The following SLN variants were observed in gnomAD, a reference collection of about 807,000 sequenced individuals.
SLN encodes sarcolipin.
For missense variants in SLN, 34 were observed against 37.4 expected, an observed-to-expected ratio of 0.91 and a Z score of 0.24; for synonymous variants, 19 against 14.4, an observed-to-expected ratio of 1.32 and a Z score of -0.72.
intron 1 of SLN, among the ~76,000 whole-genome samples, 186 bp downstream of exon 1, chr11:107,711,776 TG>T (rs1867213391): frequency 6.6e-6 from 1 of 151,770 alleles, no homozygotes; most frequent in African/African-American, 2.4e-5. Flanking sequence ...AGGGAGAAAA[TG>T]CATACCCTTA....
chr11:107,708,561 T>C (rs1169782853), intron 1 of SLN, among the ~76,000 whole-genome samples: 1 of 152,184 alleles, frequency 6.6e-6, no homozygotes, highest in Non-Finnish European at 1.5e-5. Context: ...CTATTAGTTA[T>C]GTTTCTCTGA....
chr11:107,709,966 A>C (rs907911680), intron 1 of SLN, among the ~76,000 whole-genome samples: 3 of 152,196 alleles, frequency 2.0e-5, no homozygotes, highest in Non-Finnish European at 2.9e-5. Context: ...AGAAAATAAA[A>C]AGGGGAAAAA....
Position 107,707,735 on chromosome 11 carries a change from G to T in SLN, c.*100C>A. The T allele has an allele frequency of 1.2e-6, 1 of 841,890 alleles. No individual in the cohort carries two copies. Among genetic ancestry groups the T allele is most frequent in the South Asian group, 1.4e-5 (1 of 71,186 alleles). The allele number at this position is 841,890 out of a possible 1,614,324, so 52.2% of individuals were successfully genotyped here. The stretch of plus-strand genomic sequence containing the variant: ...TGCAGGTCACAGGTGCCCTCGGATG[G>T]AGAATGGCATCCTGTGACAATGACA... On this transcript the variant is annotated 3_prime_UTR_variant, in exon 2 of 2. Transcript: ENST00000305991.
In SLN at chr11:107,707,844, A is replaced by G; in HGVS notation, c.87T>C (p.Tyr29=). ...VILMWLLVRS[Y]QY is the part of the protein sequence containing the mutation. ...ACCATGGCATGGCCTCTCAGTACTG[A>G]TAGGACCTCACAAGGAGCCACATAA... Residue 29 remains tyrosine (Y), a synonymous_variant, in exon 2 of 2, where the codon TAT becomes TAC. Coordinates refer to ENST00000305991, the MANE Select transcript of SLN (RefSeq NM_003063.3). 1 of 1,613,024 alleles carries G rather than the reference A, an allele frequency of 6.2e-7. No individual in the cohort carries two copies. The highest frequency in any genetic ancestry group is 1.3e-5 in the African/African-American group (1 of 75,018).
intron 1 of SLN, among the ~76,000 whole-genome samples, chr11:107,708,496 A>G (rs1195913241): frequency 6.6e-6 from 1 of 152,134 alleles, no homozygotes; most frequent in Non-Finnish European, 1.5e-5. Flanking sequence ...AGTCTCTGCA[A>G]TCGCACAAGC....
intron 1 of SLN, among the ~76,000 whole-genome samples, chr11:107,711,636 A>AC (rs999143642): frequency 1.1e-4 from 16 of 152,152 alleles, no homozygotes; most frequent in Non-Finnish European, 1.8e-4. Flanking sequence ...ATGAACTAAA[A>AC]CCCAAAAAGC....
Position 107,707,940 on chromosome 11 carries a change from G to T in SLN, c.-10C>A. ...GGGTGTTTATCCCCATTTTCACAGC[G>T]GCTTGGTGAGAACTGCAGGCAGATT... On this transcript the variant is annotated 5_prime_UTR_variant, in exon 2 of 2. Transcript: ENST00000305991. The T allele has an allele frequency of 6.2e-7, 1 of 1,609,080 alleles. No homozygotes were observed. The highest frequency in any genetic ancestry group is 8.5e-7 in the Non-Finnish European group (1 of 1,175,430).
intron 1 of SLN, among the ~76,000 whole-genome samples, chr11:107,708,541 A>C (rs1438394845): frequency 6.6e-6 from 1 of 152,070 alleles, no homozygotes; most frequent in African/African-American, 2.4e-5. Context: ...TCCCCTCAAC[A>C]CAACACATTC....
chr11:107,707,874 A>G lies in SLN; in HGVS notation c.57T>C (p.Val19=), dbSNP rs1591158103. 6.2e-7 allele frequency: 1 copy of G among 1,613,998 alleles called. No homozygotes were observed. The highest frequency in any genetic ancestry group is 8.5e-7 in the Non-Finnish European group (1 of 1,179,942). The part of the protein sequence containing the change: ...FLNFTIVLIT[V]ILMWLLVRSY... ...ACCTCACAAGGAGCCACATAAGAAT[A>G]ACCGTAATCAAGACAATAGTGAAGT... is the stretch of plus-strand genomic sequence containing the variant. The change falls in exon 2 of 2, where the codon GTT becomes GTC. Residue 19 remains valine, a synonymous_variant. Coordinates refer to ENST00000305991, the MANE Select transcript of SLN (RefSeq NM_003063.3).
intron 1 of SLN, among the ~76,000 whole-genome samples, chr11:107,710,815 C>T (rs1219222214): frequency 2.6e-5 from 4 of 152,168 alleles, no homozygotes; most frequent in Non-Finnish European, 4.4e-5. Flanking sequence ...TAACTCCAAA[C>T]TGGAAACAAC....
At chr11:107,710,289 G>A (rs753398354) in intron 1 of SLN, among the ~76,000 whole-genome samples, 17 of 152,176 alleles carry the variant, frequency 1.1e-4, no homozygotes, top group Non-Finnish European at 1.6e-4. Context: ...GCAAAACAAC[G>A]GTCCCACCAA....
intron 1 of SLN, among the ~76,000 whole-genome samples, chr11:107,709,712 C>A (rs1290358126): frequency 6.6e-6 from 1 of 151,704 alleles, no homozygotes; most frequent in African/African-American, 2.4e-5. Context: ...TCAGATGGTG[C>A]CAACCAGTAG....
chr11:107,709,774 A>T (rs1256663424), intron 1 of SLN, among the ~76,000 whole-genome samples: 1 of 152,174 alleles, frequency 6.6e-6, no homozygotes, highest in Non-Finnish European at 1.5e-5. Context: ...TTTAATTATT[A>T]TCCATCTTTT....
Position 107,707,976 on chromosome 11 carries a change from C to T in SLN, c.-46G>A. 1 of 1,346,838 alleles carries T rather than the reference C, an allele frequency of 7.4e-7. No individual in the cohort carries two copies. The highest frequency in any genetic ancestry group is 1.4e-5 in the African/African-American group (1 of 69,814). 83.4% of individuals were successfully genotyped at this position (1,346,838 alleles called of 1,614,324 possible). A position where few individuals can be genotyped will look rare whatever the true frequency, so the allele number is the denominator to read the frequency against. On this transcript the variant is annotated 5_prime_UTR_variant, in exon 2 of 2. In the 5' UTR this introduces an upstream ATG that the reference lacks. Transcript: ENST00000305991. ...AACTGCAGGCAGATTTCTGAGGGCA[C>T]ACCAAGGACCTCTGGCTTCTCCTCA...
intron 1 of SLN, among the ~76,000 whole-genome samples, chr11:107,710,420 T>C (rs1867199787): frequency 6.6e-6 from 1 of 152,248 alleles, no homozygotes; most frequent in Non-Finnish European, 1.5e-5. Context: ...TTGTGTTACC[T>C]TCGCAACAAC....
intron 1 of SLN, among the ~76,000 whole-genome samples, chr11:107,711,263 T>G (rs2135743721): frequency 6.6e-6 from 1 of 152,270 alleles, no homozygotes; most frequent in East Asian, 1.9e-4. Flanking sequence ...CATTTCTGAA[T>G]TAGCAGGCTA....
chr11:107,708,942 A>G (rs571055740), intron 1 of SLN, among the ~76,000 whole-genome samples: 1 of 152,320 alleles, frequency 6.6e-6, no homozygotes, highest in East Asian at 1.9e-4. Flanking sequence ...GCCTCTGACA[A>G]GTCCTGCATT....
Position 107,707,604 on chromosome 11 carries a change from G to T in SLN, c.*231C>A. On this transcript the variant is annotated 3_prime_UTR_variant, in exon 2 of 2. Transcript: ENST00000305991. ...TAACACATTTTCAGTTAAGAGTTGG[G>T]GAATAAATCTACCGTTCCCTGGCAA... 1 of 479,798 alleles carries T rather than the reference G, an allele frequency of 2.1e-6. No individual in the cohort carries two copies. Among genetic ancestry groups the T allele is most frequent in the African/African-American group, 1.9e-5 (1 of 51,430 alleles). 29.7% of individuals were successfully genotyped at this position (479,798 alleles called of 1,614,324 possible). A position where few individuals can be genotyped will look rare whatever the true frequency, so the allele number is the denominator to read the frequency against.
rs539243542 is a variant in SLN, at chr11:107,709,164, A to T, written c.-75-1159T>A. On this transcript the variant is annotated intron_variant, in intron 1 of 1. Transcript: ENST00000305991. ...GTACAGATTGTCCATACAGGAAATCATACTTTGAGAACATGTGCAATGAAG... is the reference window on the plus strand; with the variant it reads ...GTACAGATTGTCCATACAGGAAATCTTACTTTGAGAACATGTGCAATGAAG... Among the ~76,000 whole-genome samples, 13 of 152,368 alleles carry T rather than the reference A, an allele frequency of 8.5e-5. No homozygotes were observed. The South Asian group carries it at 2.7e-3, about 32-fold the overall frequency.
Sources: allele counts gnomAD v4.1 joint callset (sites outside exome capture counted in the v4.1 genomes callset), GRCh38; gene constraint gnomAD v4.1.1; transcripts MANE v1.5; gene names NCBI Gene and HGNC (gene_info 2026-07-23, HGNC 2026-07-21).